IGF2R: variants seen among roughly 807,000 people sequenced by gnomAD.
The protein encoded by IGF2R is cation-independent mannose-6-phosphate receptor.
A neutral mutation model predicts 270.6 loss-of-function variants in IGF2R; 91 were observed. That is an observed-to-expected ratio of 0.34 (90% CI 0.28 to 0.40). IGF2R has a LOEUF of 0.40. IGF2R is among the 10% of genes least tolerant of loss of function. The probability of loss-of-function intolerance (pLI) is 1.00; values close to 1 mark genes in which losing one functional copy is unlikely to be tolerated. For synonymous variants in IGF2R, 1,316 were observed against 1,258.9 expected (o/e 1.05, Z -0.96); for missense variants, 2,805 against 3,188.3 (o/e 0.88, Z 2.90).
At position 160,069,916 on chromosome 6, in the gene IGF2R, C is replaced by T. The variant is rs773636221; in HGVS notation, c.4301C>T (p.Pro1434Leu). The change falls in exon 31 of 48, where the codon CCC (proline) becomes CTC (leucine). Residue 1434 changes from proline to leucine, a missense_variant. By Grantham distance (98) the Pro-to-Leu change is moderately conservative. Around this residue, in one of 2 missense-constraint regions of IGF2R, gnomAD observed 1,851 missense variants for 2,207.2 expected, o/e 0.84. Coordinates refer to ENST00000356956, the MANE Select transcript of IGF2R (RefSeq NM_000876.4). ...GCGTGTCTGCTGGGTGGCTCCAAGC[C>T]CGTGAACCTCGGCAGGGTAAGGGAC... ...AAACLLGGSK[P>L]VNLGRVRDGP... 1.2e-6 allele frequency: 2 copies of T among 1,614,148 alleles called. No homozygotes were observed. The highest frequency in any genetic ancestry group is 1.7e-6 in the Non-Finnish European group (2 of 1,180,036).
chr6:160,007,916 C>A (rs1276486816), intron 2 of IGF2R, among the ~76,000 whole-genome samples: 2 of 152,174 alleles, frequency 1.3e-5, no homozygotes, highest in Non-Finnish European at 2.9e-5. Flanking sequence ...CTTAAGATTT[C>A]TGCCAAGTTT....
At chr6:160,051,097 C>T (rs999690397) in intron 19 of IGF2R, among the ~76,000 whole-genome samples, 9 of 152,108 alleles carry the variant, frequency 5.9e-5, no homozygotes, top group African/African-American at 2.2e-4. Context: ...AAAATTTTGA[C>T]GTGCATAGCA....
rs753654411 is a variant in IGF2R at position 160,009,052 on chromosome 6, T to A, written c.332T>A (p.Phe111Tyr). 2 of 1,613,956 alleles carry A rather than the reference T, an allele frequency of 1.2e-6. No individual in the cohort carries two copies. Among genetic ancestry groups the A allele is most frequent in the East Asian group, 4.5e-5 (2 of 44,874 alleles). Reference sequence around the variant, plus strand: ...AGTGCAACCAGATCTCTCCTGGAATTCAACACAACAGTGAGCTGTGACCAG... The same window carrying A: ...AGTGCAACCAGATCTCTCCTGGAATACAACACAACAGTGAGCTGTGACCAG... ...LRSATRSLLEFNTTVSCDQQG... is the reference protein window; with the variant it reads ...LRSATRSLLEYNTTVSCDQQG... The change falls in exon 3 of 48, where the codon TTC (phenylalanine) becomes TAC (tyrosine). Residue 111 changes from phenylalanine to tyrosine, a missense_variant. By Grantham distance (22) the Phe-to-Tyr change is conservative. This residue lies in a region of IGF2R where 954 missense variants were observed against 981.1 expected (regional missense o/e 0.97). Coordinates refer to ENST00000356956, the MANE Select transcript of IGF2R (RefSeq NM_000876.4).
intron 1 of IGF2R, among the ~76,000 whole-genome samples, chr6:159,976,045 A>G (rs554645600): frequency 2.0e-5 from 3 of 151,956 alleles, no homozygotes; most frequent in South Asian, 2.1e-4. Flanking sequence ...GTATGTGGTG[A>G]AACAGTTTGT....
At chr6:160,006,705 G>A (rs1784245528) in intron 2 of IGF2R, 1 of 152,312 alleles carries the variant, frequency 6.6e-6, no homozygotes, top group Admixed American at 6.5e-5. Context: ...GATTGGATCA[G>A]CTATCATCCC....
At chr6:160,082,677 A>G (rs1196484533) in intron 39 of IGF2R, among the ~76,000 whole-genome samples, 3 of 152,146 alleles carry the variant, frequency 2.0e-5, no homozygotes, top group African/African-American at 7.2e-5. Flanking sequence ...GGAATCACCT[A>G]GGGCTGTGGG....
In IGF2R at chr6:160,085,130, A is replaced by C. The variant is rs1404006947; in HGVS notation, c.6204A>C (p.Ile2068=). 6.2e-7 allele frequency: 1 copy of C among 1,613,068 alleles called. No individual in the cohort carries two copies. The highest frequency in any genetic ancestry group is 8.5e-7 in the Non-Finnish European group (1 of 1,179,762). The change falls in exon 41 of 48, where the codon ATA becomes ATC. Residue 2068 remains isoleucine, a splice_region_variant and synonymous_variant. Transcript: ENST00000356956. Reference sequence around the variant, plus strand: ...TTCACACGCAGAAGCTGGGTGTCATAGGTAAGGCCTGTGGGTCCTGGTCCT... The same window carrying C: ...TTCACACGCAGAAGCTGGGTGTCATCGGTAAGGCCTGTGGGTCCTGGTCCT... ...GLVHTQKLGV[I]GDKVVVTYSK...
chr6:160,000,734 T>TTTTTTTTTTTTTG (rs1435816064), intron 2 of IGF2R, among the ~76,000 whole-genome samples: 12 of 138,146 alleles, frequency 8.7e-5, no homozygotes, highest in African/African-American at 3.4e-4. Flanking sequence ...GGTTGTTTTT[T>TTTTTTTTTTTTTG]TTTTTTTTTT....
In IGF2R at chr6:160,084,283, A is replaced by C; in HGVS notation, c.6068+99A>C. The C allele has an allele frequency of 1.4e-6, 1 of 713,684 alleles. No homozygotes were observed. Among genetic ancestry groups the C allele is most frequent in the Non-Finnish European group, 2.5e-6 (1 of 405,884 alleles). The allele number at this position is 713,684 out of a possible 1,614,324, so 44.2% of individuals were successfully genotyped here. A position where few individuals can be genotyped will look rare whatever the true frequency, so the allele number is the denominator to read the frequency against. On this transcript the variant is annotated intron_variant, in intron 40 of 47. Coordinates refer to ENST00000356956, the MANE Select transcript of IGF2R (RefSeq NM_000876.4). The surrounding 1 kb of genome is among the most constrained non-coding windows in gnomAD (Gnocchi z 4.6). ...GCTCTTTTGGGTTCTCAAGATGGGA[A>C]TACTATGCCCATGTGAGGCTGATGG...
rs1256964329 is a variant in IGF2R, at chr6:160,033,072, C to G, written c.1176C>G (p.Val392=). 6.2e-7 allele frequency: 1 copy of G among 1,613,424 alleles called. No homozygotes were observed. Among genetic ancestry groups the G allele is most frequent in the Admixed American group, 1.7e-5 (1 of 60,000 alleles). The change falls in exon 9 of 48, where the codon GTC becomes GTG. Residue 392 remains valine (V), a synonymous_variant. Transcript: ENST00000356956. ...CQVKKSDTSQ[V]KAAGRYHNQT... The stretch of plus-strand genomic sequence containing the variant: ...TGAAAAAGAGCGATACCTCTCAAGT[C>G]AAAGCAGCAGGAAGATACCACAATC...
Position 159,969,338 on chromosome 6 carries a change from T to C in IGF2R, c.92T>C (p.Leu31Pro). 1 of 1,314,378 alleles carries C rather than the reference T, an allele frequency of 7.6e-7. No individual in the cohort carries two copies. Among genetic ancestry groups the C allele is most frequent in the Non-Finnish European group, 9.7e-7 (1 of 1,027,568 alleles). The allele number at this position is 1,314,378 out of a possible 1,614,324, so 81.4% of individuals were successfully genotyped here. A position where few individuals can be genotyped will look rare whatever the true frequency, so the allele number is the denominator to read the frequency against. Residue 31 changes from leucine to proline, a missense_variant, in exon 1 of 48, where the codon CTC becomes CCC. Transcript: ENST00000356956. ...RSLLLLQLLL[L>P]VAAPGSTQAQ... is the part of the protein sequence containing the mutation. Reference sequence around the variant, plus strand: ...CTGCTCCTGCTGCAGCTGCTGCTGCTCGTCGCTGCCCCGGGGTCCACGCAG... The same window carrying C: ...CTGCTCCTGCTGCAGCTGCTGCTGCCCGTCGCTGCCCCGGGGTCCACGCAG...
intron 1 of IGF2R, among the ~76,000 whole-genome samples, chr6:159,983,778 A>G (rs1436150899): frequency 6.6e-6 from 1 of 152,190 alleles, no homozygotes; most frequent in Non-Finnish European, 1.5e-5. Flanking sequence ...GAGGAAGACA[A>G]TATAGATGTG....
intron 1 of IGF2R, among the ~76,000 whole-genome samples, chr6:159,981,064 TGTG>T (rs1214485656): frequency 6.6e-6 from 1 of 152,182 alleles, no homozygotes. Context: ...AGCTTTCTGT[TGTG>T]GAGGGCACTT....
chr6:160,087,302 G>T (rs1779115743), intron 41 of IGF2R, among the ~76,000 whole-genome samples: 1 of 152,194 alleles, frequency 6.6e-6, no homozygotes, highest in Admixed American at 6.5e-5. Flanking sequence ...TAATATGATA[G>T]AGAGAGTTTA....
chr6:160,043,065 C>G, intron 11 of IGF2R, 83 bp from the exon 12 acceptor site: 1 of 1,486,420 alleles, frequency 6.7e-7, no homozygotes, highest in Non-Finnish European at 9.2e-7. Context: ...GAGCCCTTGA[C>G]TTTTGGCTTA....
intron 28 of IGF2R, 94 bp downstream of exon 28, chr6:160,064,625 A>G (rs1190523764): frequency 2.1e-6 from 3 of 1,398,614 alleles, no homozygotes; most frequent in Non-Finnish European, 2.0e-6. Flanking sequence ...GATCTCATCA[A>G]ATCTCCTGGT....
Position 160,106,378 on chromosome 6 carries a change from T to C in IGF2R, c.*1294T>C, listed in dbSNP as rs1175396787. The C allele has an allele frequency of 6.6e-6, 1 of 152,656 alleles. No individual in the cohort carries two copies. The highest frequency in any genetic ancestry group is 2.4e-5 in the African/African-American group (1 of 41,454). 9.5% of individuals were successfully genotyped at this position (152,656 alleles called of 1,614,324 possible). On this transcript the variant is annotated 3_prime_UTR_variant, in exon 48 of 48. Coordinates refer to ENST00000356956, the MANE Select transcript of IGF2R (RefSeq NM_000876.4). ...ATTGTATATAGACTCTGGTGTTCTA[T>C]TGCTGAGAAGCAAACCGCCCTGCAG...
chr6:159,970,657 C>G (rs1167893422), intron 1 of IGF2R, among the ~76,000 whole-genome samples: 2 of 152,110 alleles, frequency 1.3e-5, no homozygotes, highest in East Asian at 1.9e-4. Context: ...AGTTAGCTAC[C>G]CTAAGATACA....
In IGF2R at chr6:160,024,658, C is replaced by G; in HGVS notation, c.600C>G (p.Asp200Glu). ...TTAGTGGTGCCTACTTGGTGGATGA[C>G]TCCGATCCGGACACTTCTCTATTCA... ...IKLSGAYLVD[D>E]SDPDTSLFIN... Residue 200 changes from aspartate to glutamate, a missense_variant, in exon 5 of 48, where the codon GAC (aspartate) becomes GAG (glutamate). This residue lies in a region of IGF2R where 954 missense variants were observed against 981.1 expected (regional missense o/e 0.97). Transcript: ENST00000356956. 1.2e-6 allele frequency: 2 copies of G among 1,614,130 alleles called. No homozygotes were observed. The highest frequency in any genetic ancestry group is 1.7e-6 in the Non-Finnish European group (2 of 1,179,996).
Sources: gnomAD v4.1 joint callset for allele counts (sites outside exome capture counted in the v4.1 genomes callset) on GRCh38, gnomAD v4.1.1 for gene constraint, gnomAD v4.1.1 regional missense constraint, Gnocchi (gnomAD v3.1) non-coding constraint, MANE v1.5 for transcripts, NCBI Gene and HGNC (gene_info 2026-07-23, HGNC 2026-07-21) for gene names.